MVP: variants seen among roughly 807,000 people sequenced by gnomAD.
The protein encoded by MVP is lung resistance-related protein.
In MVP, 62 loss-of-function variants were observed where a neutral mutation model predicts 83.5. The ratio of observed to expected loss-of-function variants is 0.74; its 90% CI spans 0.61 to 0.92. The LOEUF (loss-of-function observed/expected upper bound fraction) is 0.92. Among genes scored for constraint, MVP ranks in the 40% least tolerant of loss-of-function variants. The probability of loss-of-function intolerance (pLI) is 0.00; values close to 1 mark genes in which losing one functional copy is unlikely to be tolerated. For synonymous variants in MVP, 505 were observed against 504.1 expected, an observed-to-expected ratio of 1.00 and a Z score of -0.02; for missense variants, 1,000 against 1,203.4, an observed-to-expected ratio of 0.83 and a Z score of 2.50.
chr16:29,831,138 C>G (rs1268722319), intron 3 of MVP, 65 bp downstream of exon 3: 1 of 1,396,980 alleles, frequency 7.2e-7, no homozygotes, highest in African/African-American at 1.4e-5. Context: ...GGGCTCTATA[C>G]TGCTGCCTTC....
chr16:29,842,977 C>T (rs2067547096), intron 10 of MVP, among the ~76,000 whole-genome samples: 1 of 152,230 alleles, frequency 6.6e-6, no homozygotes, highest in South Asian at 2.1e-4. Flanking sequence ...AGTTCAGAAA[C>T]TGACTGCCCT....
chr16:29,846,275 C>T lies in MVP; in HGVS notation c.2256C>T (p.Ala752=). ...CCAAGCTAAAAGCACAGGCCTTGGC[C>T]ATTGAAACGGTGAGTGGGGGGAGGC... is the stretch of plus-strand genomic sequence containing the variant. ...LQAKLKAQAL[A]IETEAELQRV... The change falls in exon 13 of 15, where the codon GCC becomes GCT. Residue 752 remains alanine, a synonymous_variant. Transcript: ENST00000357402. The T allele has an allele frequency of 1.3e-6, 2 of 1,563,694 alleles. No individual in the cohort carries two copies. Among genetic ancestry groups the T allele is most frequent in the South Asian group, 2.3e-5 (2 of 85,374 alleles).
At chr16:29,832,906 C>G (rs1173168522) in intron 3 of MVP, among the ~76,000 whole-genome samples, 1 of 151,764 alleles carries the variant, frequency 6.6e-6, no homozygotes, top group Non-Finnish European at 1.5e-5. Flanking sequence ...CTCTACTAAA[C>G]ATACAACAAT....
At position 29,840,321 on chromosome 16, in the gene MVP, C is replaced by T. The variant is rs1321673852; in HGVS notation, c.1053C>T (p.His351=). The T allele has an allele frequency of 6.2e-7, 1 of 1,612,680 alleles. No individual in the cohort carries two copies. The change falls in exon 8 of 15, where the codon CAC becomes CAT. Residue 351 remains histidine (H), a synonymous_variant. Transcript: ENST00000357402. The part of the protein sequence containing the change: ...EEGEDEEKVS[H]QAGDHWLIRG... ...GGGAGGATGAGGAGAAGGTCTCACA[C>T]CAGGCTGGGGACCACTGGCTCATCC...
At chr16:29,826,925 C>CA (rs779179408) in intron 1 of MVP, among the ~76,000 whole-genome samples, 2,857 of 70,674 alleles carry the variant, frequency 0.04, 87 homozygotes, top group African/African-American at 0.09. Context: ...GAGTCCATCT[C>CA]AAAAAAAAAA....
chr16:29,830,932 A>T lies in MVP; in HGVS notation c.180A>T (p.Thr60=). ...MVTVPPRHYC[T]VANPVSRDAQ... ...CCGTCCCCCCACGTCACTACTGCAC[A>T]GTGGCCAACCCTGTGTCTCGGGATG... The change falls in exon 3 of 15, where the codon ACA becomes ACT. Residue 60 remains threonine (T), a synonymous_variant. Coordinates refer to ENST00000357402, the MANE Select transcript of MVP (RefSeq NM_005115.5). 1 of 1,613,872 alleles carries T rather than the reference A, an allele frequency of 6.2e-7. No homozygotes were observed. The highest frequency in any genetic ancestry group is 2.2e-5 in the East Asian group (1 of 44,858).
chr16:29,836,499 C>T (rs1170444242), intron 6 of MVP, among the ~76,000 whole-genome samples: 1 of 151,730 alleles, frequency 6.6e-6, no homozygotes, highest in African/African-American at 2.4e-5. Flanking sequence ...ATCGCTTGAA[C>T]CTAGGAGGCG....
chr16:29,831,981 C>T (rs2067447021), intron 3 of MVP, among the ~76,000 whole-genome samples: 1 of 152,068 alleles, frequency 6.6e-6, no homozygotes, highest in Admixed American at 6.6e-5. Flanking sequence ...GGGGTTTCAC[C>T]GTGTTAGCCA....
At chr16:29,840,893 C>G (rs1332168003) in intron 8 of MVP, among the ~76,000 whole-genome samples, 1 of 150,090 alleles carries the variant, frequency 6.7e-6, no homozygotes, top group Non-Finnish European at 1.5e-5. Context: ...GAGCCGAGAT[C>G]ACACCACTGC....
intron 13 of MVP, 125 bp downstream of exon 13, chr16:29,846,409 C>T: frequency 1.5e-6 from 2 of 1,360,306 alleles, no homozygotes; most frequent in Non-Finnish European, 1.9e-6. Flanking sequence ...AAGTACTTTG[C>T]ATTTGCAAAG....
intron 1 of MVP, among the ~76,000 whole-genome samples, chr16:29,822,318 C>CT (rs2067368671): frequency 7.1e-6 from 1 of 140,004 alleles, no homozygotes; most frequent in Non-Finnish European, 1.5e-5. Flanking sequence ...AACTGTGCTG[C>CT]TTTAAAAAAA....
In MVP at chr16:29,846,275, C is replaced by A; in HGVS notation, c.2256C>A (p.Ala752=). Residue 752 remains alanine (A), a synonymous_variant, in exon 13 of 15, where the codon GCC becomes GCA. Coordinates refer to ENST00000357402, the MANE Select transcript of MVP (RefSeq NM_005115.5). The stretch of plus-strand genomic sequence containing the variant: ...CCAAGCTAAAAGCACAGGCCTTGGC[C>A]ATTGAAACGGTGAGTGGGGGGAGGC... ...LQAKLKAQAL[A]IETEAELQRV... 1 of 1,563,694 alleles carries A rather than the reference C, an allele frequency of 6.4e-7. No individual in the cohort carries two copies. The highest frequency in any genetic ancestry group is 8.7e-7 in the Non-Finnish European group (1 of 1,153,532).
intron 10 of MVP, among the ~76,000 whole-genome samples, chr16:29,844,209 C>T (rs747522915): frequency 3.3e-5 from 5 of 152,212 alleles, no homozygotes; most frequent in Middle Eastern, 3.4e-3. Flanking sequence ...TAAAGGAGAA[C>T]GTGTGTTAAG....
intron 14 of MVP, 133 bp from the exon 15 acceptor site, chr16:29,847,629 T>C (rs1353634044): frequency 4.8e-6 from 5 of 1,031,224 alleles, no homozygotes; most frequent in Middle Eastern, 2.9e-4. Context: ...CTGACAGGCA[T>C]TTCCAAGGCA....
chr16:29,833,675 G>A, intron 3 of MVP, 58 bp from the exon 4 acceptor site: 4 of 1,607,378 alleles, frequency 2.5e-6, no homozygotes, highest in Non-Finnish European at 3.4e-6. Context: ...AGAGCATCAG[G>A]CTTGGCCCTG....
At position 29,842,128 on chromosome 16, in the gene MVP, G is replaced by A. The variant is rs200135663; in HGVS notation, c.1634+16G>A. 1 of 1,581,594 alleles carries A rather than the reference G, an allele frequency of 6.3e-7. No homozygotes were observed. The highest frequency in any genetic ancestry group is 1.3e-5 in the African/African-American group (1 of 74,804). Reference sequence around the variant, plus strand: ...CCTACAACTGGTAAAAATGGGGACAGGGCATGGGGGTGCATTCCTGGAATC... The same window carrying A: ...CCTACAACTGGTAAAAATGGGGACAAGGCATGGGGGTGCATTCCTGGAATC... On this transcript the variant is annotated intron_variant, in intron 10 of 14. Transcript: ENST00000357402.
intron 6 of MVP, 80 bp downstream of exon 6, chr16:29,835,878 C>T (rs1567391550): frequency 3.5e-6 from 4 of 1,158,830 alleles, no homozygotes; most frequent in Non-Finnish European, 5.1e-6. Context: ...GGTAGAATGG[C>T]ATGAGAGTAA....
chr16:29,826,789 T>C (rs901225786), intron 1 of MVP, among the ~76,000 whole-genome samples: 1 of 151,226 alleles, frequency 6.6e-6, no homozygotes. Flanking sequence ...TAGCTGGGCA[T>C]GGTGGCAGGC....
rs773501208 is a variant in MVP, at chr16:29,833,940, T to A, written c.451T>A (p.Tyr151Asn). 5.0e-6 allele frequency: 8 copies of A among 1,614,000 alleles called. No homozygotes were observed. Among genetic ancestry groups the A allele is most frequent in the Non-Finnish European group, 6.8e-6 (8 of 1,180,010 alleles). The change falls in exon 5 of 15, where the codon TAC (tyrosine) becomes AAC (asparagine). Residue 151 changes from tyrosine (Y) to asparagine (N), a missense_variant. By Grantham distance (143) the Tyr-to-Asn change is moderately radical. Transcript: ENST00000357402. ...DEWLFEGPGT[Y>N]IPRKEVEVVE... is the part of the protein sequence containing the mutation. ...CCATCACCTTCCCTCCCCAGGCACG[T>A]ACATCCCCCGGAAGGAAGTGGAGGT... is the stretch of plus-strand genomic sequence containing the variant.
Sources: gnomAD v4.1 joint callset for allele counts (sites outside exome capture counted in the v4.1 genomes callset) on GRCh38, gnomAD v4.1.1 for gene constraint, MANE v1.5 for transcripts, NCBI Gene and HGNC (gene_info 2026-07-23, HGNC 2026-07-21) for gene names.